The following OSGEP variants were observed in gnomAD, a reference collection of about 807,000 sequenced individuals.
OSGEP encodes the protein O-sialoglycoprotein endopeptidase.
Under a neutral mutation model 44.1 loss-of-function variants are expected in OSGEP, and 39 were observed. The ratio of observed to expected loss-of-function variants is 0.88; its 90% CI spans 0.69 to 1.16. OSGEP has a LOEUF of 1.16. Ranked by LOEUF, OSGEP falls within the 50% of genes most tolerant of loss-of-function variation. OSGEP has a pLI of 0.00. For synonymous variants in OSGEP, 139 were observed against 161.9 expected (o/e 0.86, Z 1.07); for missense variants, 403 against 443.1 (o/e 0.91, Z 0.81).
At chr14:20,449,041 G>A (rs937197625) in intron 4 of OSGEP, 28 bp from the exon 5 acceptor site, 2 of 1,595,974 alleles carry the variant, frequency 1.3e-6, no homozygotes, top group Non-Finnish European at 1.7e-6. Context: ...TAAGGAAGGA[G>A]GGAATGGAAG....
intron 2 of OSGEP, 50 bp downstream of exon 2, chr14:20,452,279 G>A: frequency 1.2e-6 from 2 of 1,608,140 alleles, no homozygotes; most frequent in East Asian, 2.2e-5. Context: ...TTTTGACCTA[G>A]CCAGGTTGCA....
At position 20,447,208 on chromosome 14, in the gene OSGEP, A is replaced by T; in HGVS notation, c.*32T>A. On this transcript the variant is annotated 3_prime_UTR_variant, in exon 11 of 11. Coordinates refer to ENST00000206542, the MANE Select transcript of OSGEP (RefSeq NM_017807.4). ...CACGGGGTCCTTTGGGTTCCGATTA[A>T]GGAACTATCTACTCTGATTCTGTTG... 1 of 1,601,228 alleles carries T rather than the reference A, an allele frequency of 6.2e-7. No individual in the cohort carries two copies. Among genetic ancestry groups the T allele is most frequent in the Non-Finnish European group, 8.6e-7 (1 of 1,168,242 alleles).
intron 5 of OSGEP, 26 bp from the exon 6 acceptor site, chr14:20,448,837 A>T (rs772315190): frequency 1.3e-6 from 2 of 1,598,108 alleles, no homozygotes; most frequent in South Asian, 2.2e-5. Context: ...CGTACGAGGC[A>T]CTAAGCCTAC....
At position 20,447,202 on chromosome 14, in the gene OSGEP, C is replaced by T. The variant is rs780361016; in HGVS notation, c.*38G>A. The T allele has an allele frequency of 2.3e-5, 37 of 1,592,930 alleles. 1 individual carries two copies. The highest frequency in any genetic ancestry group is 1.5e-4 in the South Asian group (14 of 90,626). ...TTGAGGCACGGGGTCCTTTGGGTTC[C>T]GATTAAGGAACTATCTACTCTGATT... On this transcript the variant is annotated 3_prime_UTR_variant, in exon 11 of 11. Transcript: ENST00000206542.
intron 1 of OSGEP, among the ~76,000 whole-genome samples, chr14:20,453,755 C>T (rs1222595141): frequency 6.6e-6 from 1 of 152,174 alleles, no homozygotes; most frequent in Non-Finnish European, 1.5e-5. Context: ...CGAGCGGTGG[C>T]TCATGCCTGT....
At chr14:20,449,904 G>A (rs1332253500) in intron 3 of OSGEP, 1 of 153,874 alleles carries the variant, frequency 6.5e-6, no homozygotes, top group Non-Finnish European at 1.4e-5. Flanking sequence ...TGGGATTATA[G>A]GTGTGAACCA....
intron 3 of OSGEP, 61 bp downstream of exon 3, chr14:20,451,913 A>C (rs117682133): frequency 0.038 from 53,112 of 1,398,350 alleles, 1,218 homozygotes; most frequent in Non-Finnish European, 0.047. Context: ...AGATAGAACA[A>C]AGAAAATACT....
At chr14:20,449,100 C>T (rs1881031174) in intron 4 of OSGEP, 71 bp downstream of exon 4, 2 of 1,473,164 alleles carry the variant, frequency 1.4e-6, no homozygotes, top group Admixed American at 1.7e-5. Flanking sequence ...TTTACTATTT[C>T]CTCCCTCCAC....
At chr14:20,452,260 T>C in intron 2 of OSGEP, 69 bp downstream of exon 2, 2 of 1,598,680 alleles carry the variant, frequency 1.3e-6, no homozygotes, top group Non-Finnish European at 1.7e-6. Context: ...AGAGGTAAGG[T>C]GTTGGCTATT....
rs1344890285 is a variant in OSGEP at position 20,454,432 on chromosome 14, C to T, written c.115+137G>A. On this transcript the variant is annotated intron_variant, in intron 1 of 10. Transcript: ENST00000206542. ...GCCTGTAACTCTTCTAGTCATCAGC[C>T]TTGTGACGTTAATAATGTCACATAA... 1.1e-4 allele frequency: 81 copies of T among 767,220 alleles called. No individual in the cohort carries two copies. The Admixed American group carries it at 1.4e-3, about 14-fold the overall frequency. The allele number at this position is 767,220 out of a possible 1,614,324, so 47.5% of individuals were successfully genotyped here.
rs1881221389 is a variant in OSGEP, at chr14:20,454,676, G to A, written c.8C>T (p.Ala3Val). Reference protein sequence around the residue: MPAVLGFEGSANK... With the variant: MPVVLGFEGSANK... ...GGCGCTGCCTTCAAAACCCAGCACC[G>A]CCGGCATGGCGGAGGCTGGGAGAAA... is the stretch of plus-strand genomic sequence containing the variant. The change falls in exon 1 of 11, where the codon GCG becomes GTG. Residue 3 changes from alanine (A) to valine (V), a missense_variant. Ala to Val is a moderately conservative substitution (Grantham distance 64). Coordinates refer to ENST00000206542, the MANE Select transcript of OSGEP (RefSeq NM_017807.4). 8 of 1,612,786 alleles carry A rather than the reference G, an allele frequency of 5.0e-6. No individual in the cohort carries two copies. The highest frequency in any genetic ancestry group is 1.1e-5 in the South Asian group (1 of 91,042).
chr14:20,447,787 G>C lies in OSGEP; in HGVS notation c.794-97C>G, dbSNP rs2139289476. The C allele has an allele frequency of 4.1e-6, 5 of 1,219,672 alleles. No homozygotes were observed. The South Asian group carries it at 6.2e-5, about 15-fold the overall frequency. The allele number at this position is 1,219,672 out of a possible 1,614,324, so 75.6% of individuals were successfully genotyped here. A position where few individuals can be genotyped will look rare whatever the true frequency, so the allele number is the denominator to read the frequency against. ...TGCACTCACTTAGAACAATGACATA[G>C]GGGATTAGGGGCAAGGATTGGGAAG... On this transcript the variant is annotated intron_variant, in intron 8 of 10. Transcript: ENST00000206542.
intron 3 of OSGEP, chr14:20,451,730 G>C (rs1383553046): frequency 5.4e-6 from 2 of 368,186 alleles, no homozygotes; most frequent in East Asian, 8.3e-5. Context: ...CTTTCCTGAA[G>C]TAGAAATTCC....
At position 20,452,415 on chromosome 14, in the gene OSGEP, C is replaced by T. The variant is rs769867276; in HGVS notation, c.149G>A (p.Arg50Gln). ...CTGCAGCAGGTCTAGGATAACAGCT[C>T]GGTGATGCCTGGCTGTATCACCTGG... ...FLPGDTARHH[R>Q]AVILDLLQEA... The change falls in exon 2 of 11, where the codon CGA becomes CAA. Residue 50 changes from arginine (R) to glutamine (Q), a missense_variant. By Grantham distance (43) the Arg-to-Gln change is conservative. Coordinates refer to ENST00000206542, the MANE Select transcript of OSGEP (RefSeq NM_017807.4). The T allele has an allele frequency of 2.8e-5, 45 of 1,613,110 alleles. No homozygotes were observed. Among genetic ancestry groups the T allele is most frequent in the African/African-American group, 2.3e-4 (17 of 74,872 alleles).
At position 20,449,005 on chromosome 14, in the gene OSGEP, G is replaced by A. The variant is rs199582839; in HGVS notation, c.516C>T (p.Asn172=). The A allele has an allele frequency of 3.8e-5, 61 of 1,613,844 alleles. No individual in the cohort carries two copies. Among genetic ancestry groups the A allele is most frequent in the South Asian group, 2.9e-4 (26 of 91,076 alleles). The change falls in exon 5 of 11, where the codon AAC becomes AAT. Residue 172 remains asparagine (N), a synonymous_variant. Coordinates refer to ENST00000206542, the MANE Select transcript of OSGEP (RefSeq NM_017807.4). ...DRFARVLKIS[N]DPSPGYNIEQ... ...CAATGTTGTATCCTGGACTTGGGTC[G>A]TTAGAAATCTAGCAGAAGAAAAAAA...
At chr14:20,449,396 C>T in intron 3 of OSGEP, 130 bp from the exon 4 acceptor site, 2 of 670,318 alleles carry the variant, frequency 3.0e-6, no homozygotes, top group African/African-American at 3.6e-5. Context: ...AAAGGTGTTT[C>T]CCAAATGGTG....
chr14:20,450,941 C>A, intron 3 of OSGEP: 1 of 152,200 alleles, frequency 6.6e-6, no homozygotes, highest in East Asian at 1.9e-4. Flanking sequence ...GGTGAAATCC[C>A]GTCTCTACTA....
Position 20,449,393 on chromosome 14 carries a change from T to C in OSGEP, c.412-127A>G. 5.9e-6 allele frequency: 4 copies of C among 678,506 alleles called. No individual in the cohort carries two copies. In the South Asian group the frequency reaches 6.5e-5, roughly 11 times the overall value. The allele number at this position is 678,506 out of a possible 1,614,324, so 42.0% of individuals were successfully genotyped here. On this transcript the variant is annotated intron_variant, in intron 3 of 10. Transcript: ENST00000206542. ...TCCAATAAGAAGTGGAAGAAAGGTGTTTCCCAAATGGTGAATGGGTAGTTT... is the reference window on the plus strand; with the variant it reads ...TCCAATAAGAAGTGGAAGAAAGGTGCTTCCCAAATGGTGAATGGGTAGTTT...
chr14:20,454,286 G>A (rs1471908699), intron 1 of OSGEP, among the ~76,000 whole-genome samples: 4 of 152,120 alleles, frequency 2.6e-5, no homozygotes, highest in African/African-American at 7.2e-5. Context: ...TTATCATGCT[G>A]TAGTATAAAC....
Sources: allele counts gnomAD v4.1 joint callset (sites outside exome capture counted in the v4.1 genomes callset), GRCh38; gene constraint gnomAD v4.1.1; transcripts MANE v1.5; gene names NCBI Gene and HGNC (gene_info 2026-07-23, HGNC 2026-07-21).